The following MACROD2 variants were observed in gnomAD, a reference collection of about 807,000 sequenced individuals.
MACROD2 encodes the protein mono-ADP ribosylhydrolase 2, also known as ADP-ribose glycohydrolase MACROD2.
Under a neutral mutation model 70.4 loss-of-function variants are expected in MACROD2, and 36 were observed. That is an observed-to-expected ratio of 0.51 (90% confidence interval 0.39 to 0.68). The LOEUF is 0.68. MACROD2 is among the 30% of genes least tolerant of loss of function. MACROD2 has a pLI of 0.00. For missense variants in MACROD2, 496 were observed against 538.4 expected, an observed-to-expected ratio of 0.92 and a Z score of 0.78; for synonymous variants, 172 against 178.8, an observed-to-expected ratio of 0.96 and a Z score of 0.30.
rs1461934349 is a variant in MACROD2 at position 15,378,133 on chromosome 20, G to C, written c.541-53272G>C. ...TCTGCATATGTATCCCAGAACTTAA[G>C]CTATAAGAAAAAAATAAAAGAAGAG... On this transcript the variant is annotated intron_variant, in intron 6 of 17. Coordinates refer to ENST00000684519, the MANE Select transcript of MACROD2 (RefSeq NM_001351661.2). Among the ~76,000 whole-genome samples, 7 of 147,822 alleles carry C rather than the reference G, an allele frequency of 4.7e-5. No homozygotes were observed. In the South Asian group the frequency reaches 1.5e-3, roughly 31 times the overall value.
At chr20:15,737,008 G>A (rs997708071) in intron 8 of MACROD2, among the ~76,000 whole-genome samples, 4 of 152,184 alleles carry the variant, frequency 2.6e-5, no homozygotes, top group African/African-American at 9.6e-5. Context: ...ATCCAGACCA[G>A]CATGAATTAG....
chr20:15,081,925 T>G (rs888337065), intron 5 of MACROD2, among the ~76,000 whole-genome samples: 2 of 152,184 alleles, frequency 1.3e-5, no homozygotes, highest in African/African-American at 4.8e-5. Context: ...TAACTATTAC[T>G]TTTTGAAGCT....
chr20:15,280,468 A>G (rs1736424429), intron 6 of MACROD2, among the ~76,000 whole-genome samples: 1 of 152,222 alleles, frequency 6.6e-6, no homozygotes. Flanking sequence ...TTAATACCAC[A>G]AATCTTTTTG....
chr20:14,838,984 T>A (rs2073059377), intron 5 of MACROD2, among the ~76,000 whole-genome samples: 1 of 152,042 alleles, frequency 6.6e-6, no homozygotes, highest in Non-Finnish European at 1.5e-5. Flanking sequence ...AGAAGCCATA[T>A]GCTGTGGGTC....
chr20:15,073,971 T>G (rs1198696698), intron 5 of MACROD2, among the ~76,000 whole-genome samples: 1 of 152,208 alleles, frequency 6.6e-6, no homozygotes, highest in Non-Finnish European at 1.5e-5. Flanking sequence ...ATGGCATGTT[T>G]AGAATTTATA....
intron 5 of MACROD2, among the ~76,000 whole-genome samples, chr20:14,994,466 G>T (rs552854640): frequency 1.4e-4 from 21 of 152,070 alleles, no homozygotes; most frequent in Non-Finnish European, 2.6e-4. Context: ...GATGGCACGG[G>T]AGCAGGTTGA....
At position 14,213,546 on chromosome 20, in the gene MACROD2, C is replaced by T. The variant is rs140088272; in HGVS notation, c.271+127818C>T. Among the ~76,000 whole-genome samples the T allele has an allele frequency of 2.6e-3, 393 of 151,502 alleles. 2 individuals are homozygous for T. The highest frequency in any genetic ancestry group is 0.01 in the Middle Eastern group (3 of 294). On this transcript the variant is annotated intron_variant, in intron 3 of 17. Coordinates refer to ENST00000684519, the MANE Select transcript of MACROD2 (RefSeq NM_001351661.2). ...TTTAAACCCAAGCATAGCAAGCAAC[C>T]TTGTTGAACCAAATAGTTCTGTGAG...
intron 6 of MACROD2, among the ~76,000 whole-genome samples, chr20:15,306,792 A>C (rs1024383015): frequency 6.6e-6 from 1 of 152,122 alleles, no homozygotes. Flanking sequence ...AATGCTTTCA[A>C]ATTAGAAACT....
intron 15 of MACROD2, among the ~76,000 whole-genome samples, chr20:16,007,634 G>A (rs180682710): frequency 1.4e-4 from 22 of 152,146 alleles, no homozygotes; most frequent in South Asian, 4.2e-4. Context: ...TCAAAACAGC[G>A]GTATCTACTT....
At chr20:15,157,205 G>A (rs2076312591) in intron 5 of MACROD2, among the ~76,000 whole-genome samples, 1 of 152,246 alleles carries the variant, frequency 6.6e-6, no homozygotes, top group Non-Finnish European at 1.5e-5. Flanking sequence ...CGGCTTGTGA[G>A]GAACGGCTCT....
intron 6 of MACROD2, among the ~76,000 whole-genome samples, chr20:15,306,678 G>A (rs113274580): frequency 1.6e-4 from 24 of 152,254 alleles, no homozygotes; most frequent in African/African-American, 3.9e-4. Flanking sequence ...GGACTTCCCT[G>A]TGTGCTGGGC....
At chr20:14,167,609 C>T (rs564012699) in intron 3 of MACROD2, among the ~76,000 whole-genome samples, 96 of 151,800 alleles carry the variant, frequency 6.3e-4, no homozygotes, top group Non-Finnish European at 1.1e-3. Context: ...AGCCTGGTTG[C>T]GAACTCCTGA....
intron 8 of MACROD2, among the ~76,000 whole-genome samples, chr20:15,831,500 T>C (rs1191313793): frequency 6.6e-6 from 1 of 152,188 alleles, no homozygotes; most frequent in African/African-American, 2.4e-5. Context: ...GCAGAATGTC[T>C]TTGCTGAGCC....
At position 14,415,538 on chromosome 20, in the gene MACROD2, A is replaced by G. The variant is rs558842843; in HGVS notation, c.272-77941A>G. On this transcript the variant is annotated intron_variant, in intron 3 of 17. Coordinates refer to ENST00000684519, the MANE Select transcript of MACROD2 (RefSeq NM_001351661.2). ...ACTTGGAATTCATCCAATTATTGAC[A>G]GCACTTAGTTTGTAACATTTCCTGG... Among the ~76,000 whole-genome samples, 5 of 152,316 alleles carry G rather than the reference A, an allele frequency of 3.3e-5. No individual in the cohort carries two copies. The East Asian group carries it at 9.7e-4, about 29-fold the overall frequency.
chr20:15,924,026 A>G (rs1411128479), intron 10 of MACROD2, among the ~76,000 whole-genome samples: 1 of 152,192 alleles, frequency 6.6e-6, no homozygotes, highest in African/African-American at 2.4e-5. Context: ...CATCTATGGG[A>G]TCATACTGAG....
intron 5 of MACROD2, among the ~76,000 whole-genome samples, chr20:14,688,706 T>C (rs1045168896): frequency 6.6e-6 from 1 of 152,200 alleles, no homozygotes; most frequent in African/African-American, 2.4e-5. Context: ...TAGAAGCTTG[T>C]TGACATATGG....
chr20:15,404,767 A>C (rs908340017), intron 6 of MACROD2, among the ~76,000 whole-genome samples: 2 of 152,110 alleles, frequency 1.3e-5, no homozygotes, highest in Non-Finnish European at 2.9e-5. Flanking sequence ...TTCTGTTTTC[A>C]TGTGTGCAAC....
intron 13 of MACROD2, among the ~76,000 whole-genome samples, chr20:15,979,159 T>C (rs1203255456): frequency 6.6e-6 from 1 of 152,198 alleles, no homozygotes; most frequent in Non-Finnish European, 1.5e-5. Context: ...TAAGTCAGCT[T>C]TGCTGCAGTA....
At chr20:15,527,910 C>A (rs2047742946) in intron 8 of MACROD2, among the ~76,000 whole-genome samples, 1 of 152,156 alleles carries the variant, frequency 6.6e-6, no homozygotes, top group South Asian at 2.1e-4. Context: ...CAAACTATAT[C>A]CTTTGTTCAT....
Sources: gnomAD v4.1 joint callset for allele counts (sites outside exome capture counted in the v4.1 genomes callset) on GRCh38, gnomAD v4.1.1 for gene constraint, MANE v1.5 for transcripts, NCBI Gene and HGNC (gene_info 2026-07-23, HGNC 2026-07-21) for gene names.